The following OR2L3 variants were observed in gnomAD, a reference collection of about 807,000 sequenced individuals.
OR2L3 encodes the protein olfactory receptor family 2 subfamily L member 3.
For synonymous variants in OR2L3, 131 were observed against 139.1 expected, an observed-to-expected ratio of 0.94 and a Z score of 0.41; for missense variants, 369 against 376.6, an observed-to-expected ratio of 0.98 and a Z score of 0.17.
intron 1 of OR2L3, chr1:248,051,136 T>A (rs1663249714): frequency 6.6e-6 from 1 of 152,150 alleles, no homozygotes; most frequent in Admixed American, 6.5e-5. Context: ...CAACTAACAC[T>A]TTGTTTTTGT....
chr1:248,053,656 G>GGC (rs1663345733), intron 1 of OR2L3, among the ~76,000 whole-genome samples: 1 of 152,130 alleles, frequency 6.6e-6, no homozygotes, highest in South Asian at 2.1e-4. Flanking sequence ...CATTCTGATC[G>GGC]GCAGCAGATG....
Position 248,061,510 on chromosome 1 carries a change from T to C in OR2L3, c.829T>C (p.Tyr277His). 1 of 1,613,916 alleles carries C rather than the reference T, an allele frequency of 6.2e-7. No individual in the cohort carries two copies. The highest frequency in any genetic ancestry group is 8.5e-7 in the Non-Finnish European group (1 of 1,179,892). The change falls in exon 2 of 2, where the codon TAC becomes CAC. Residue 277 changes from tyrosine (Y) to histidine (H), a missense_variant. By Grantham distance (83) the Tyr-to-His change is moderately conservative (BLOSUM62 2). Coordinates refer to ENST00000359959, the MANE Select transcript of OR2L3 (RefSeq NM_001004687.2). Reference protein sequence around the residue: ...PTEDKVLAVFYTTLTPMLNPI... With the variant: ...PTEDKVLAVFHTTLTPMLNPI... ...AGAGGACAAGGTTCTGGCTGTCTTC[T>C]ACACCACCCTCACTCCAATGCTCAA...
At chr1:248,055,979 T>C (rs958878775) in intron 1 of OR2L3, 45 of 152,228 alleles carry the variant, frequency 3.0e-4, no homozygotes, top group African/African-American at 1.1e-3. Context: ...GGATTCAAAT[T>C]CTTCCTGGTT....
Position 248,061,534 on chromosome 1 carries a change from A to T in OR2L3, c.853A>T (p.Asn285Tyr), listed in dbSNP as rs767296860. 1.2e-6 allele frequency: 2 copies of T among 1,613,890 alleles called. No individual in the cohort carries two copies. Among genetic ancestry groups the T allele is most frequent in the Non-Finnish European group, 1.7e-6 (2 of 1,179,890 alleles). ...VFYTTLTPMLNPIIYSLRNKE... is the reference protein window; with the variant it reads ...VFYTTLTPMLYPIIYSLRNKE... ...CTACACCACCCTCACTCCAATGCTC[A>T]ACCCCATCATCTATAGCCTGAGGAA... Residue 285 changes from asparagine to tyrosine, a missense_variant, in exon 2 of 2, where the codon AAC becomes TAC. By Grantham distance (143) the Asn-to-Tyr change is moderately radical. Coordinates refer to ENST00000359959, the MANE Select transcript of OR2L3 (RefSeq NM_001004687.2).
At chr1:248,055,390 CA>C (rs1663401265) in intron 1 of OR2L3, among the ~76,000 whole-genome samples, 1 of 152,004 alleles carries the variant, frequency 6.6e-6, no homozygotes, top group South Asian at 2.1e-4. Flanking sequence ...GGGATATTGG[CA>C]CAAAGTTTTC....
intron 1 of OR2L3, among the ~76,000 whole-genome samples, chr1:248,051,732 A>G (rs1005327705): frequency 2.0e-5 from 3 of 152,138 alleles, no homozygotes; most frequent in Non-Finnish European, 4.4e-5. Flanking sequence ...CTGAATAAAA[A>G]AAAATCCAAA....
intron 1 of OR2L3, 80 bp from the exon 2 acceptor site, chr1:248,060,581 T>G (rs1330509428): frequency 1.1e-6 from 1 of 904,184 alleles, no homozygotes; most frequent in Non-Finnish European, 1.7e-6. Flanking sequence ...GTCTCAAGAA[T>G]TTACTGAGGG....
intron 1 of OR2L3, among the ~76,000 whole-genome samples, chr1:248,051,872 G>C (rs1223196864): frequency 6.6e-6 from 1 of 151,986 alleles, no homozygotes; most frequent in East Asian, 1.9e-4. Flanking sequence ...CAATGCAGAT[G>C]GTTCCAGGTT....
In OR2L3 at chr1:248,062,559, C is replaced by G. The variant is rs1663678035; in HGVS notation, c.*939C>G. 1 of 151,974 alleles carries G rather than the reference C, an allele frequency of 6.6e-6. No homozygotes were observed. The highest frequency in any genetic ancestry group is 2.4e-5 in the African/African-American group (1 of 41,362). The allele number at this position is 151,974 out of a possible 1,614,324, so 9.4% of individuals were successfully genotyped here. A position where few individuals can be genotyped will look rare whatever the true frequency, so the allele number is the denominator to read the frequency against. On this transcript the variant is annotated 3_prime_UTR_variant, in exon 2 of 2. Transcript: ENST00000359959. Reference sequence around the variant, plus strand: ...AAATAGAGAAGAGACTGATGGTCACCAGAGGGTGGGAAGGGTACAGGGGAG... The same window carrying G: ...AAATAGAGAAGAGACTGATGGTCACGAGAGGGTGGGAAGGGTACAGGGGAG...
In OR2L3 at chr1:248,061,729, G is replaced by A; in HGVS notation, c.*109G>A. The A allele has an allele frequency of 1.9e-6, 2 of 1,027,810 alleles. No homozygotes were observed. Among genetic ancestry groups the A allele is most frequent in the South Asian group, 4.1e-5 (2 of 48,776 alleles). 63.7% of individuals were successfully genotyped at this position (1,027,810 alleles called of 1,614,324 possible). ...GAGTTCAGGAGCTAAAAGTAATCAA[G>A]GTAAGAGAAAAAAATCACTGATTTC... On this transcript the variant is annotated 3_prime_UTR_variant, in exon 2 of 2. Transcript: ENST00000359959.
rs1027545377 is a variant in OR2L3 at position 248,051,443 on chromosome 1, G to T, written c.-22+4563G>T. On this transcript the variant is annotated intron_variant, in intron 1 of 1. Coordinates refer to ENST00000359959, the MANE Select transcript of OR2L3 (RefSeq NM_001004687.2). Reference sequence around the variant, plus strand: ...CCTTTGGGCTATTGTGAATAGTATTGCTATGAACATGGGAATAGAAATATT... The same window carrying T: ...CCTTTGGGCTATTGTGAATAGTATTTCTATGAACATGGGAATAGAAATATT... Among the ~76,000 whole-genome samples, 13 of 152,250 alleles carry T rather than the reference G, an allele frequency of 8.5e-5. No individual in the cohort carries two copies. The South Asian group carries it at 2.1e-3, about 24-fold the overall frequency.
chr1:248,056,120 C>G (rs1379507835), intron 1 of OR2L3, among the ~76,000 whole-genome samples: 1 of 151,972 alleles, frequency 6.6e-6, no homozygotes, highest in Non-Finnish European at 1.5e-5. Flanking sequence ...GGTGGTATTT[C>G]CCTTATTGTT....
chr1:248,060,687 A>G lies in OR2L3; in HGVS notation c.6A>G (p.Glu2=). 6.2e-7 allele frequency: 1 copy of G among 1,611,326 alleles called. No homozygotes were observed. Among genetic ancestry groups the G allele is most frequent in the Non-Finnish European group, 8.5e-7 (1 of 1,178,072 alleles). The stretch of plus-strand genomic sequence containing the variant: ...AAAGAGCACACGAATGCCCCATGGA[A>G]AATTACAATCAAACATCAACTGATT... M[E]NYNQTSTDFI... The change falls in exon 2 of 2, where the codon GAA becomes GAG. Residue 2 remains glutamate, a synonymous_variant. Transcript: ENST00000359959.
Position 248,062,466 on chromosome 1 carries a change from G to A in OR2L3, c.*846G>A, listed in dbSNP as rs1572708670. 1.3e-5 allele frequency: 2 copies of A among 152,084 alleles called. No individual in the cohort carries two copies. Among genetic ancestry groups the A allele is most frequent in the South Asian group, 4.2e-4 (2 of 4,814 alleles). 9.4% of individuals were successfully genotyped at this position (152,084 alleles called of 1,614,324 possible). A position where few individuals can be genotyped will look rare whatever the true frequency, so the allele number is the denominator to read the frequency against. The stretch of plus-strand genomic sequence containing the variant: ...TTGGGTCTGTTGTCAAAAATCAGTT[G>A]CACAGAAAGGTTTTGCTTGTTCTCA... On this transcript the variant is annotated 3_prime_UTR_variant, in exon 2 of 2. Coordinates refer to ENST00000359959, the MANE Select transcript of OR2L3 (RefSeq NM_001004687.2).
rs1330717817 is a variant in OR2L3, at chr1:248,062,335, G to T, written c.*715G>T. 1 of 152,162 alleles carries T rather than the reference G, an allele frequency of 6.6e-6. No individual in the cohort carries two copies. The highest frequency in any genetic ancestry group is 1.5e-5 in the Non-Finnish European group (1 of 68,026). 9.4% of individuals were successfully genotyped at this position (152,162 alleles called of 1,614,324 possible). On this transcript the variant is annotated 3_prime_UTR_variant, in exon 2 of 2. Transcript: ENST00000359959. ...CTTTAACCTGTTTTGAGTTGATTTG[G>T]ATATAGTGTAATGACTGGGAGTTTA...
chr1:248,062,978 C>A lies in OR2L3; in HGVS notation c.*1358C>A, dbSNP rs1663693047. ...CTATGTGTCTGTTTTTATGCCAGTA[C>A]CATTCTGTTTTGGTTATTCCATGTT... On this transcript the variant is annotated 3_prime_UTR_variant, in exon 2 of 2. Transcript: ENST00000359959. 6.6e-6 allele frequency: 1 copy of A among 152,106 alleles called. No individual in the cohort carries two copies. The highest frequency in any genetic ancestry group is 6.6e-5 in the Admixed American group (1 of 15,266). The allele number at this position is 152,106 out of a possible 1,614,324, so 9.4% of individuals were successfully genotyped here. A position where few individuals can be genotyped will look rare whatever the true frequency, so the allele number is the denominator to read the frequency against.
At chr1:248,047,428 G>T (rs140150632) in intron 1 of OR2L3, among the ~76,000 whole-genome samples, 266 of 152,192 alleles carry the variant, frequency 1.7e-3, no homozygotes, top group African/African-American at 5.9e-3. Context: ...TAAAGTAAAG[G>T]TACAACGAGA....
At chr1:248,057,790 T>C (rs1199781645) in intron 1 of OR2L3, among the ~76,000 whole-genome samples, 6 of 152,182 alleles carry the variant, frequency 3.9e-5, no homozygotes, top group Non-Finnish European at 8.8e-5. Context: ...AGTTTTCAGA[T>C]TGTTCTTTGT....
intron 1 of OR2L3, among the ~76,000 whole-genome samples, chr1:248,050,015 T>G (rs1461894711): frequency 6.6e-6 from 1 of 152,174 alleles, no homozygotes; most frequent in South Asian, 2.1e-4. Flanking sequence ...GCGATACCTA[T>G]CTGAAGAGTT....
Sources: allele counts gnomAD v4.1 joint callset (sites outside exome capture counted in the v4.1 genomes callset), GRCh38; gene constraint gnomAD v4.1.1; transcripts MANE v1.5; gene names NCBI Gene and HGNC (gene_info 2026-07-23, HGNC 2026-07-21).